Variants in SMCR8 observed in about 807,000 individuals in gnomAD.
SMCR8 encodes the protein SMCR8-C9orf72 complex subunit.
Under a neutral mutation model 56.6 loss-of-function variants are expected in SMCR8, and 30 were observed. That is an observed-to-expected ratio of 0.53 (90% CI 0.40 to 0.72). The LOEUF (loss-of-function observed/expected upper bound fraction) is 0.72. Ranked by LOEUF, SMCR8 falls within the 30% of genes least tolerant of loss-of-function variation. SMCR8 has a pLI of 0.00. For missense variants in SMCR8, 1,198 were observed against 1,157.0 expected (o/e 1.04, Z -0.51); for synonymous variants, 538 against 456.0 (o/e 1.18, Z -2.29).
In SMCR8 at chr17:18,317,425, T is replaced by G. The variant is rs753304350; in HGVS notation, c.1636T>G (p.Ser546Ala). Reference sequence around the variant, plus strand: ...CCCAAGTGCCATTAATGAAGAAGAATCATATCCAGATGGCAATGAAGGAGC... The same window carrying G: ...CCCAAGTGCCATTAATGAAGAAGAAGCATATCCAGATGGCAATGAAGGAGC... ...SYPSAINEEE[S>A]YPDGNEGAIR... The change falls in exon 1 of 2, where the codon TCA (serine) becomes GCA (alanine). Residue 546 changes from serine to alanine, a missense_variant. Coordinates refer to ENST00000406438, the MANE Select transcript of SMCR8 (RefSeq NM_144775.3). The G allele has an allele frequency of 6.2e-7, 1 of 1,614,034 alleles. No homozygotes were observed. The highest frequency in any genetic ancestry group is 8.5e-7 in the Non-Finnish European group (1 of 1,180,026).
Position 18,318,067 on chromosome 17 carries a change from T to TA in SMCR8, c.2279dup (p.Tyr760Ter). ...TATCTTTGTCCCCAGCTATGGCTGCTACGCTAAGCCCGTGAAACATTGGGC... is the reference window on the plus strand; with the variant it reads ...TATCTTTGTCCCCAGCTATGGCTGCTAACGCTAAGCCCGTGAAACATTGGGC... ...LAIFVPSYGC[Y>*]AKPVKHWASS... is the part of the protein sequence containing the mutation. The change falls in exon 1 of 2, where the codon TAC becomes TAAC. Residue 760 changes from tyrosine (Y) to a stop codon, truncating the protein, a stop_gained and frameshift_variant. Coordinates refer to ENST00000406438, the MANE Select transcript of SMCR8 (RefSeq NM_144775.3). LOFTEE classifies it high-confidence loss of function. The TA allele has an allele frequency of 6.2e-7, 1 of 1,614,246 alleles. No homozygotes were observed. Among genetic ancestry groups the TA allele is most frequent in the Non-Finnish European group, 8.5e-7 (1 of 1,180,038 alleles).
chr17:18,316,056 C>T lies in SMCR8; in HGVS notation c.267C>T (p.Tyr89=), dbSNP rs753027856. The T allele has an allele frequency of 1.4e-5, 23 of 1,614,048 alleles. No individual in the cohort carries two copies. The Admixed American group carries it at 1.8e-4, about 13-fold the overall frequency. Residue 89 remains tyrosine (Y), a synonymous_variant, in exon 1 of 2, where the codon TAC becomes TAT. Transcript: ENST00000406438. ...TKVFGTFDLN[Y]FSLRIMSVDY... Reference sequence around the variant, plus strand: ...TTTTTGGCACTTTTGATCTCAATTACTTCTCCCTGCGTATCATGTCTGTGG... The same window carrying T: ...TTTTTGGCACTTTTGATCTCAATTATTTCTCCCTGCGTATCATGTCTGTGG...
In SMCR8 at chr17:18,322,752, C is replaced by T. The variant is rs976803293; in HGVS notation, c.2496C>T (p.Asp832=). Residue 832 remains aspartate, a synonymous_variant, in exon 2 of 2, where the codon GAC becomes GAT. Transcript: ENST00000406438. ...YRGTLVPRLA[D]HRTQIKRGST... ...GCACCCTGGTGCCCCGCCTGGCAGA[C>T]CACCGCACACAGATCAAGCGGGGCA... is the stretch of plus-strand genomic sequence containing the variant. The T allele has an allele frequency of 6.2e-7, 1 of 1,614,234 alleles. No individual in the cohort carries two copies. The highest frequency in any genetic ancestry group is 1.3e-5 in the African/African-American group (1 of 75,068).
Position 18,328,027 on chromosome 17 carries a change from C to T in SMCR8, c.*4957C>T, listed in dbSNP as rs926627914. 2.0e-5 allele frequency: 3 copies of T among 152,506 alleles called. No individual in the cohort carries two copies. The highest frequency in any genetic ancestry group is 3.8e-4 in the East Asian group (2 of 5,200). The allele number at this position is 152,506 out of a possible 1,614,324, so 9.4% of individuals were successfully genotyped here. On this transcript the variant is annotated 3_prime_UTR_variant, in exon 2 of 2. Transcript: ENST00000406438. ...TCATCTATGTTTTGCACTTCAGCTACGTGAAAATAAAATTTCTTTGGGAAG... is the reference window on the plus strand; with the variant it reads ...TCATCTATGTTTTGCACTTCAGCTATGTGAAAATAAAATTTCTTTGGGAAG...
Position 18,317,031 on chromosome 17 carries a change from T to C in SMCR8, c.1242T>C (p.Ser414=). 6.2e-7 allele frequency: 1 copy of C among 1,614,072 alleles called. No individual in the cohort carries two copies. The highest frequency in any genetic ancestry group is 1.3e-5 in the African/African-American group (1 of 74,998). Residue 414 remains serine (S), a synonymous_variant, in exon 1 of 2, where the codon AGT becomes AGC. Coordinates refer to ENST00000406438, the MANE Select transcript of SMCR8 (RefSeq NM_144775.3). ...GCCCAATTCCTAAAGTGTTAATTAG[T>C]GTTGGTTCTTACAAGTCCAGTGTGG... is the stretch of plus-strand genomic sequence containing the variant. ...EECPIPKVLI[S]VGSYKSSVES...
intron 1 of SMCR8, 57 bp from the exon 2 acceptor site, chr17:18,322,560 C>T: frequency 1.3e-6 from 2 of 1,534,608 alleles, no homozygotes; most frequent in Non-Finnish European, 1.8e-6. Flanking sequence ...TCCCAAGCTT[C>T]TGCCTCCACT....
At chr17:18,319,744 A>G (rs942136906) in intron 1 of SMCR8, among the ~76,000 whole-genome samples, 2 of 152,088 alleles carry the variant, frequency 1.3e-5, no homozygotes, top group Non-Finnish European at 1.5e-5. Context: ...TGTTGGAGAC[A>G]GAGTCTTGCT....
Position 18,327,206 on chromosome 17 carries a change from T to TA in SMCR8, c.*4137dup, listed in dbSNP as rs992576579. On this transcript the variant is annotated 3_prime_UTR_variant, in exon 2 of 2. Coordinates refer to ENST00000406438, the MANE Select transcript of SMCR8 (RefSeq NM_144775.3). ...TTTGAGCCCTGACCTAGCCTGGCCT[T>TA]ACCTCATTAAGGTTTGGTTAAAGCA... 6.6e-6 allele frequency: 1 copy of TA among 151,770 alleles called. No individual in the cohort carries two copies. Among genetic ancestry groups the TA allele is most frequent in the Non-Finnish European group, 1.5e-5 (1 of 68,008 alleles). 9.4% of individuals were successfully genotyped at this position (151,770 alleles called of 1,614,324 possible).
chr17:18,316,566 G>A lies in SMCR8; in HGVS notation c.777G>A (p.Arg259=), dbSNP rs771362560. 8.1e-6 allele frequency: 13 copies of A among 1,614,052 alleles called. No individual in the cohort carries two copies. The Admixed American group carries it at 1.7e-4, about 21-fold the overall frequency. Residue 259 remains arginine (R), a synonymous_variant, in exon 1 of 2, where the codon CGG becomes CGA. Transcript: ENST00000406438. ...AGCAGATCCGCTCATACCCTCATCG[G>A]AAGTTGAAGGGGCATGATTTGTGTC... ...LLKQIRSYPH[R]KLKGHDLCPG... is the part of the protein sequence containing the mutation.
Position 18,317,139 on chromosome 17 carries a change from C to G in SMCR8, c.1350C>G (p.Asp450Glu), listed in dbSNP as rs769349501. The G allele has an allele frequency of 1.9e-6, 3 of 1,614,002 alleles. No homozygotes were observed. The South Asian group carries it at 3.3e-5, about 18-fold the overall frequency. The change falls in exon 1 of 2, where the codon GAC becomes GAG. Residue 450 changes from aspartate to glutamate, a missense_variant. By Grantham distance (45) the Asp-to-Glu change is conservative. Transcript: ENST00000406438. ...AAGTGACTGAGTTGAGCAGTTTCGA[C>G]CCCCAGGAAAACTTGGACTACCTGG... Reference protein sequence around the residue: ...EVEVTELSSFDPQENLDYLDM... With the variant: ...EVEVTELSSFEPQENLDYLDM...
Position 18,317,851 on chromosome 17 carries a change from A to C in SMCR8, c.2062A>C (p.Arg688=). ...VSSVASTSSD[R]IPSAYPAGLS... The stretch of plus-strand genomic sequence containing the variant: ...CAGTGTAGCGTCCACCAGCTCAGAC[A>C]GGATCCCCTCTGCTTATCCTGCTGG... The change falls in exon 1 of 2, where the codon AGG becomes CGG. Residue 688 remains arginine, a synonymous_variant. Coordinates refer to ENST00000406438, the MANE Select transcript of SMCR8 (RefSeq NM_144775.3). 6.2e-7 allele frequency: 1 copy of C among 1,614,174 alleles called. No individual in the cohort carries two copies. The highest frequency in any genetic ancestry group is 1.3e-5 in the African/African-American group (1 of 75,052).
At position 18,324,545 on chromosome 17, in the gene SMCR8, G is replaced by C. The variant is rs1332197733; in HGVS notation, c.*1475G>C. On this transcript the variant is annotated 3_prime_UTR_variant, in exon 2 of 2. Transcript: ENST00000406438. ...CCTGGGTGTGCTTCTGTTGGCGCCT[G>C]CTGCTGAGGCCCGGCCTGCCCATCG... 1 of 152,380 alleles carries C rather than the reference G, an allele frequency of 6.6e-6. No individual in the cohort carries two copies. Among genetic ancestry groups the C allele is most frequent in the Non-Finnish European group, 1.5e-5 (1 of 68,136 alleles). The allele number at this position is 152,380 out of a possible 1,614,324, so 9.4% of individuals were successfully genotyped here.
At chr17:18,320,035 A>G (rs1011374864) in intron 1 of SMCR8, among the ~76,000 whole-genome samples, 1 of 152,184 alleles carries the variant, frequency 6.6e-6, no homozygotes, top group African/African-American at 2.4e-5. Context: ...GGGTCATCCT[A>G]TTGCTTACTA....
At chr17:18,322,132 C>T (rs1166930319) in intron 1 of SMCR8, among the ~76,000 whole-genome samples, 3 of 152,140 alleles carry the variant, frequency 2.0e-5, no homozygotes, top group Admixed American at 1.3e-4. Context: ...CTGCCTCAGC[C>T]GCCCAAGTAG....
rs754631881 is a variant in SMCR8, at chr17:18,317,529, A to T, written c.1740A>T (p.Gln580His). 83 of 1,613,914 alleles carry T rather than the reference A, an allele frequency of 5.1e-5. No individual in the cohort carries two copies. The highest frequency in any genetic ancestry group is 6.9e-5 in the Non-Finnish European group (81 of 1,180,034). The stretch of plus-strand genomic sequence containing the variant: ...GCAGCATAGAAAACACCCCATCACA[A>T]ATAGACTCCTCCTGCTGTATTGGGA... ...EEGSIENTPS[Q>H]IDSSCCIGKE... Residue 580 changes from glutamine to histidine, a missense_variant, in exon 1 of 2, where the codon CAA (glutamine) becomes CAT (histidine). Physicochemically the swap from Gln to His is conservative, Grantham distance 24. Transcript: ENST00000406438.
rs759247442 is a variant in SMCR8 at position 18,316,850 on chromosome 17, C to G, written c.1061C>G (p.Thr354Ser). 2 of 1,614,192 alleles carry G rather than the reference C, an allele frequency of 1.2e-6. No homozygotes were observed. Among genetic ancestry groups the G allele is most frequent in the South Asian group, 1.1e-5 (1 of 91,090 alleles). The change falls in exon 1 of 2, where the codon ACC becomes AGC. Residue 354 changes from threonine (T) to serine (S), a missense_variant. Transcript: ENST00000406438. Reference protein sequence around the residue: ...MFRGDLCYLLTSQIDRALLKQ... With the variant: ...MFRGDLCYLLSSQIDRALLKQ... ...AGAGGAGACCTGTGTTACCTCCTGACCAGTCAGATTGATAGAGCACTTCTA... is the reference window on the plus strand; with the variant it reads ...AGAGGAGACCTGTGTTACCTCCTGAGCAGTCAGATTGATAGAGCACTTCTA...
chr17:18,326,544 T>TA lies in SMCR8; in HGVS notation c.*3475dup, dbSNP rs1265675902. On this transcript the variant is annotated 3_prime_UTR_variant, in exon 2 of 2. Coordinates refer to ENST00000406438, the MANE Select transcript of SMCR8 (RefSeq NM_144775.3). Reference sequence around the variant, plus strand: ...TCCCAAATTTGGAAATAGACCACAGTACCTTACCTTTCATTCCCCATCTGG... The same window carrying TA: ...TCCCAAATTTGGAAATAGACCACAGTAACCTTACCTTTCATTCCCCATCTGG... The TA allele has an allele frequency of 6.6e-6, 1 of 152,296 alleles. No individual in the cohort carries two copies. Among genetic ancestry groups the TA allele is most frequent in the Non-Finnish European group, 1.5e-5 (1 of 68,054 alleles). 9.4% of individuals were successfully genotyped at this position (152,296 alleles called of 1,614,324 possible). A position where few individuals can be genotyped will look rare whatever the true frequency, so the allele number is the denominator to read the frequency against.
In SMCR8 at chr17:18,323,790, CAG is replaced by C. The variant is rs1409393492; in HGVS notation, c.*723_*724del. On this transcript the variant is annotated 3_prime_UTR_variant, in exon 2 of 2. Coordinates refer to ENST00000406438, the MANE Select transcript of SMCR8 (RefSeq NM_144775.3). ...CCCATACTCTTTCACCAGGAACGAG[CAG>C]AGTGTTCACTAGTCCTAGTGTGAAG... 1.3e-5 allele frequency: 2 copies of C among 152,854 alleles called. No homozygotes were observed. The highest frequency in any genetic ancestry group is 2.9e-5 in the Non-Finnish European group (2 of 68,538). The allele number at this position is 152,854 out of a possible 1,614,324, so 9.5% of individuals were successfully genotyped here.
intron 1 of SMCR8, among the ~76,000 whole-genome samples, chr17:18,321,863 C>T (rs1251398778): frequency 6.6e-6 from 1 of 152,154 alleles, no homozygotes; most frequent in Non-Finnish European, 1.5e-5. Flanking sequence ...AATGTTATCT[C>T]CATCTTATAG....
Sources: gnomAD v4.1 joint callset for allele counts (sites outside exome capture counted in the v4.1 genomes callset) on GRCh38, gnomAD v4.1.1 for gene constraint, MANE v1.5 for transcripts, NCBI Gene and HGNC (gene_info 2026-07-23, HGNC 2026-07-21) for gene names.